MAPK9: variants seen among roughly 807,000 people sequenced by gnomAD.
MAPK9 encodes mitogen-activated protein kinase 9, also known as Jun kinase.
Under a neutral mutation model 57.1 loss-of-function variants are expected in MAPK9, and 30 were observed. The ratio of observed to expected loss-of-function variants is 0.53; its 90% CI spans 0.39 to 0.71. The LOEUF (loss-of-function observed/expected upper bound fraction) is 0.71. Among genes scored for constraint, MAPK9 ranks in the 30% least tolerant of loss-of-function variants. The pLI is 0.00. For synonymous variants in MAPK9, 155 were observed against 177.0 expected, an observed-to-expected ratio of 0.88 and a Z score of 0.99; for missense variants, 362 against 521.0, an observed-to-expected ratio of 0.69 and a Z score of 2.97.
intron 2 of MAPK9, among the ~76,000 whole-genome samples, chr5:180,276,271 C>A (rs1361768393): frequency 6.6e-6 from 1 of 152,186 alleles, no homozygotes; most frequent in East Asian, 1.9e-4. Context: ...CAAAAAGGAA[C>A]ACGCTATACC....
intron 1 of MAPK9, among the ~76,000 whole-genome samples, chr5:180,282,245 G>A (rs1017847952): frequency 5.3e-5 from 8 of 152,170 alleles, no homozygotes; most frequent in African/African-American, 1.9e-4. Flanking sequence ...CTAAAGATTA[G>A]CTTATTTACA....
At chr5:180,263,656 T>A (rs1222552146) in intron 4 of MAPK9, among the ~76,000 whole-genome samples, 2 of 151,006 alleles carry the variant, frequency 1.3e-5, no homozygotes, top group Non-Finnish European at 2.9e-5. Context: ...CGCTGTCTGT[T>A]CCTTCTATCT....
chr5:180,260,629 GTTT>G (rs553601967), intron 5 of MAPK9, among the ~76,000 whole-genome samples: 10 of 152,216 alleles, frequency 6.6e-5, no homozygotes, highest in African/African-American at 2.4e-4. Context: ...GGTAGTGTGG[GTTT>G]TTTTGTCAGT....
chr5:180,264,882 T>C (rs766266675), intron 3 of MAPK9, 43 bp from the exon 4 acceptor site: 2 of 1,444,336 alleles, frequency 1.4e-6, no homozygotes, highest in Admixed American at 4.8e-5. Flanking sequence ...GTCAGATTAC[T>C]TGATTACAAA....
intron 1 of MAPK9, among the ~76,000 whole-genome samples, chr5:180,286,534 C>T (rs1015299101): frequency 1.3e-5 from 2 of 151,860 alleles, no homozygotes; most frequent in Non-Finnish European, 2.9e-5. Flanking sequence ...GGGCCATCCT[C>T]TGTAGTTCTT....
chr5:180,240,939 A>C, intron 9 of MAPK9, 92 bp downstream of exon 9: 1 of 1,384,848 alleles, frequency 7.2e-7, no homozygotes, highest in Non-Finnish European at 9.5e-7. Context: ...AGAACTTGCT[A>C]CCCATATGTA....
chr5:180,247,424 C>G lies in MAPK9; in HGVS notation c.688+15G>C. The G allele has an allele frequency of 6.2e-7, 1 of 1,614,118 alleles. No homozygotes were observed. On this transcript the variant is annotated intron_variant, in intron 7 of 11. Coordinates refer to ENST00000452135, the MANE Select transcript of MAPK9 (RefSeq NM_002752.5). This position sits in a 1 kb window ranked among gnomAD's most constrained non-coding sequence, Gnocchi z 4.5. Reference sequence around the variant, plus strand: ...TAAGAAAGCATGGCGGGGCCAAGGTCGCGGGGAAGGATACGGTCAGTGCCT... The same window carrying G: ...TAAGAAAGCATGGCGGGGCCAAGGTGGCGGGGAAGGATACGGTCAGTGCCT...
At chr5:180,285,821 G>A (rs908683641) in intron 1 of MAPK9, among the ~76,000 whole-genome samples, 56 of 152,076 alleles carry the variant, frequency 3.7e-4, no homozygotes, top group African/African-American at 9.2e-4. Flanking sequence ...GCTCACACCT[G>A]TAATCCCAGC....
At position 180,281,564 on chromosome 5, in the gene MAPK9, G is replaced by A. The variant is rs151149133; in HGVS notation, c.-47-956C>T. On this transcript the variant is annotated intron_variant, in intron 1 of 11. Coordinates refer to ENST00000452135, the MANE Select transcript of MAPK9 (RefSeq NM_002752.5). ...ATCATATAGGTAAACATTCTATACC[G>A]TTTAAGACTACAGAATGTATTCTAC... is the stretch of plus-strand genomic sequence containing the variant. Among the ~76,000 whole-genome samples, 617 of 152,286 alleles carry A rather than the reference G, an allele frequency of 4.1e-3. 16 individuals are homozygous for A. In the South Asian group the frequency reaches 0.064, roughly 16 times the overall value.
chr5:180,244,806 A>G (rs1373797934), intron 7 of MAPK9, among the ~76,000 whole-genome samples: 1 of 151,826 alleles, frequency 6.6e-6, no homozygotes, highest in Non-Finnish European at 1.5e-5. Flanking sequence ...AGGAAAGAAA[A>G]AAGAGCTGTC....
At chr5:180,270,461 T>C (rs1464217507) in intron 2 of MAPK9, among the ~76,000 whole-genome samples, 1 of 152,190 alleles carries the variant, frequency 6.6e-6, no homozygotes, top group Non-Finnish European at 1.5e-5. Context: ...TTTATATGAA[T>C]TATAAAATGA....
intron 1 of MAPK9, among the ~76,000 whole-genome samples, chr5:180,287,226 G>A (rs1321445360): frequency 6.6e-6 from 1 of 152,136 alleles, no homozygotes; most frequent in African/African-American, 2.4e-5. Context: ...GTGGTTATAG[G>A]AATTTTCACA....
At chr5:180,244,889 C>T (rs1308926294) in intron 7 of MAPK9, among the ~76,000 whole-genome samples, 1 of 152,194 alleles carries the variant, frequency 6.6e-6, no homozygotes, top group African/African-American at 2.4e-5. Flanking sequence ...CTTCCCTCCA[C>T]TCCATAAATG....
chr5:180,251,294 G>A (rs997836585), intron 5 of MAPK9, among the ~76,000 whole-genome samples: 10 of 152,090 alleles, frequency 6.6e-5, no homozygotes, highest in East Asian at 3.9e-4. Flanking sequence ...CAGCACGGCC[G>A]CAGGAGCAAG....
intron 4 of MAPK9, among the ~76,000 whole-genome samples, chr5:180,264,579 T>C (rs1484451586): frequency 2.0e-5 from 3 of 152,228 alleles, no homozygotes; most frequent in African/African-American, 7.2e-5. Flanking sequence ...TTATCTGTTA[T>C]GAAGATGAAA....
At chr5:180,262,949 ACACT>A (rs1489185430) in intron 4 of MAPK9, 1 of 152,206 alleles carries the variant, frequency 6.6e-6, no homozygotes, top group Non-Finnish European at 1.5e-5. Flanking sequence ...TTCTGTAACC[ACACT>A]CACTTTCTTA....
intron 2 of MAPK9, among the ~76,000 whole-genome samples, chr5:180,276,779 G>A (rs561715236): frequency 4.6e-5 from 7 of 152,202 alleles, no homozygotes; most frequent in Admixed American, 1.3e-4. Context: ...ACTTGAACCC[G>A]CGAGGCGGAG....
intron 2 of MAPK9, among the ~76,000 whole-genome samples, chr5:180,275,126 T>G (rs1348691394): frequency 6.6e-6 from 1 of 152,222 alleles, no homozygotes; most frequent in Non-Finnish European, 1.5e-5. Flanking sequence ...GATCTGTTTC[T>G]TTTGTCTGCT....
At position 180,244,212 on chromosome 5, in the gene MAPK9, C is replaced by T. The variant is rs569564798; in HGVS notation, c.689-1457G>A. ...CCACAGACTTCCCAGGATGCACCCACCCAGCATCTGTGTGCCATTTGCCAC... is the reference window on the plus strand; with the variant it reads ...CCACAGACTTCCCAGGATGCACCCATCCAGCATCTGTGTGCCATTTGCCAC... On this transcript the variant is annotated intron_variant, in intron 7 of 11. Coordinates refer to ENST00000452135, the MANE Select transcript of MAPK9 (RefSeq NM_002752.5). Among the ~76,000 whole-genome samples the T allele has an allele frequency of 2.0e-5, 3 of 152,230 alleles. No homozygotes were observed. The South Asian group carries it at 6.2e-4, about 32-fold the overall frequency.
Sources: gnomAD v4.1 joint callset for allele counts (sites outside exome capture counted in the v4.1 genomes callset) on GRCh38, gnomAD v4.1.1 for gene constraint, Gnocchi (gnomAD v3.1) non-coding constraint, MANE v1.5 for transcripts, NCBI Gene and HGNC (gene_info 2026-07-23, HGNC 2026-07-21) for gene names.